The following MEGF10 variants were observed in gnomAD, a reference collection of about 807,000 sequenced individuals.
MEGF10 encodes the protein multiple epidermal growth factor-like domains protein 10.
In MEGF10, 86 loss-of-function variants were observed where a neutral mutation model predicts 147.5. That is an observed-to-expected ratio of 0.58 (90% confidence interval 0.49 to 0.70). The LOEUF (loss-of-function observed/expected upper bound fraction) is 0.70. Among genes scored for constraint, MEGF10 ranks in the 30% least tolerant of loss-of-function variants. The pLI, the probability that MEGF10 is intolerant of heterozygous loss-of-function variation, is 0.00. For missense variants in MEGF10, 1,329 were observed against 1,487.3 expected, an observed-to-expected ratio of 0.89 and a Z score of 1.75; for synonymous variants, 478 against 525.5, an observed-to-expected ratio of 0.91 and a Z score of 1.24.
At chr5:127,238,051 A>G in the MEGF10 span, among the ~76,000 whole-genome samples, 1 of 147,650 alleles carries the variant, frequency 6.8e-6, no homozygotes, top group African/African-American at 2.5e-5. Context: ...ATATATATAT[A>G]TATATATATA....
chr5:127,450,509 T>A (rs1211269580), intron 22 of MEGF10, among the ~76,000 whole-genome samples: 2 of 152,226 alleles, frequency 1.3e-5, no homozygotes, highest in East Asian at 3.8e-4. Flanking sequence ...AGTTTGATGA[T>A]GTAGTAACTT....
intron 1 of MEGF10, among the ~76,000 whole-genome samples, chr5:127,324,472 G>T (rs1384760144): frequency 1.3e-5 from 2 of 152,066 alleles, no homozygotes; most frequent in Admixed American, 6.6e-5. Flanking sequence ...AGCTCTCCTT[G>T]ATCTCTACCA....
the MEGF10 span, among the ~76,000 whole-genome samples, chr5:127,274,504 T>G: frequency 6.6e-6 from 1 of 152,126 alleles, no homozygotes; most frequent in South Asian, 2.1e-4. Flanking sequence ...AATGATATAA[T>G]AAAAATAGAT....
At chr5:127,353,832 G>A (rs1177326166) in intron 4 of MEGF10, among the ~76,000 whole-genome samples, 1 of 152,242 alleles carries the variant, frequency 6.6e-6, no homozygotes, top group African/African-American at 2.4e-5. Flanking sequence ...TGGCTTGTAA[G>A]AAGGACAGAG....
At chr5:127,244,657 T>A in the MEGF10 span, among the ~76,000 whole-genome samples, 1 of 152,144 alleles carries the variant, frequency 6.6e-6, no homozygotes, top group Non-Finnish European at 1.5e-5. Context: ...GACATTGGAC[T>A]TCTTATTTGC....
At chr5:127,432,535 G>A (rs11749174) in intron 13 of MEGF10, among the ~76,000 whole-genome samples, 4,202 of 152,306 alleles carry the variant, frequency 0.028, 52 homozygotes, top group East Asian at 0.045. Context: ...ATTTCTTTGA[G>A]TTGTGAGGAA....
the MEGF10 span, among the ~76,000 whole-genome samples, chr5:127,238,955 T>A: frequency 6.6e-6 from 1 of 151,882 alleles, no homozygotes; most frequent in African/African-American, 2.4e-5. Flanking sequence ...ATGGTACAAC[T>A]GACATCATGT....
At chr5:127,278,259 C>G in the MEGF10 span, among the ~76,000 whole-genome samples, 2 of 150,466 alleles carry the variant, frequency 1.3e-5, no homozygotes, top group Non-Finnish European at 3.0e-5. Context: ...GGAAGATATT[C>G]AATGAAGGGA....
the MEGF10 span, among the ~76,000 whole-genome samples, chr5:127,266,564 T>C: frequency 1.3e-5 from 2 of 152,230 alleles, no homozygotes; most frequent in Non-Finnish European, 2.9e-5. Flanking sequence ...CATGGAATGT[T>C]CTTCCATTTG....
intron 22 of MEGF10, among the ~76,000 whole-genome samples, chr5:127,452,196 G>A (rs1185475223): frequency 6.6e-6 from 1 of 152,186 alleles, no homozygotes; most frequent in East Asian, 1.9e-4. Context: ...TGGCCTCATA[G>A]CCCCAGCTCT....
Position 127,369,907 on chromosome 5 carries a change from C to A in MEGF10, c.320-3C>A. On this transcript the variant is annotated splice_region_variant and splice_polypyrimidine_tract_variant and intron_variant, in intron 4 of 24. Coordinates refer to ENST00000503335, the MANE Select transcript of MEGF10 (RefSeq NM_001256545.2). ...TTTATTTGATTGATTTTCTCTCTGA[C>A]AGCCCACTGTGCTGATAAATGTGTC... 6.3e-7 allele frequency: 1 copy of A among 1,594,922 alleles called. No homozygotes were observed. Among genetic ancestry groups the A allele is most frequent in the Non-Finnish European group, 8.5e-7 (1 of 1,169,732 alleles).
chr5:127,237,671 C>G, the MEGF10 span, among the ~76,000 whole-genome samples: 45 of 152,082 alleles, frequency 3.0e-4, no homozygotes, highest in Admixed American at 6.5e-4. Flanking sequence ...CAGGAAGAAG[C>G]CCAGACGGGA....
In MEGF10 at chr5:127,333,407, G is replaced by A. The variant is rs114506328; in HGVS notation, c.116+1983G>A. On this transcript the variant is annotated intron_variant, in intron 2 of 24. Coordinates refer to ENST00000503335, the MANE Select transcript of MEGF10 (RefSeq NM_001256545.2). The stretch of plus-strand genomic sequence containing the variant: ...GCATGCCTGTAATCCAGCTACTTGG[G>A]GGGCTGAGGCACAAGAATCACTTGA... Among the ~76,000 whole-genome samples the A allele has an allele frequency of 6.4e-3, 973 of 152,148 alleles. 12 individuals carry two copies. The highest frequency in any genetic ancestry group is 0.023 in the African/African-American group (936 of 41,506).
Position 127,431,470 on chromosome 5 carries a change from G to T in MEGF10, c.1694-1893G>T, listed in dbSNP as rs1264431066. On this transcript the variant is annotated intron_variant, in intron 13 of 24. Coordinates refer to ENST00000503335, the MANE Select transcript of MEGF10 (RefSeq NM_001256545.2). ...CATCATAAATGGCTAAATCTTACCT[G>T]TCCCCCAAGTCCCCACCCTAACAAA... 2.0e-5 allele frequency among the ~76,000 whole-genome samples: 3 copies of T among 152,156 alleles called. No homozygotes were observed. The East Asian group carries it at 5.8e-4, about 29-fold the overall frequency.
At chr5:127,346,486 G>C (rs1002372413) in intron 4 of MEGF10, among the ~76,000 whole-genome samples, 1 of 152,050 alleles carries the variant, frequency 6.6e-6, no homozygotes, top group Non-Finnish European at 1.5e-5. Context: ...TCATATGTTT[G>C]TTGGCCATTT....
chr5:127,257,772 A>G, the MEGF10 span, among the ~76,000 whole-genome samples: 1 of 152,310 alleles, frequency 6.6e-6, no homozygotes, highest in South Asian at 2.1e-4. Context: ...AAACTGACCT[A>G]GGCAGAAACT....
At chr5:127,256,538 T>A in the MEGF10 span, among the ~76,000 whole-genome samples, 1 of 152,192 alleles carries the variant, frequency 6.6e-6, no homozygotes, top group South Asian at 2.1e-4. Flanking sequence ...TCCTGCTCCA[T>A]GGTCATAAAT....
At chr5:127,297,861 A>G (rs1361350111) in intron 1 of MEGF10, among the ~76,000 whole-genome samples, 1 of 152,226 alleles carries the variant, frequency 6.6e-6, no homozygotes. Context: ...ATTCCATGAG[A>G]AGGTGTAAAA....
At chr5:127,354,275 C>T (rs144804964) in intron 4 of MEGF10, among the ~76,000 whole-genome samples, 6 of 152,308 alleles carry the variant, frequency 3.9e-5, no homozygotes, top group African/African-American at 1.4e-4. Flanking sequence ...AGTTCACTAA[C>T]CCAGGACTCT....
Sources: allele counts gnomAD v4.1 joint callset (sites outside exome capture counted in the v4.1 genomes callset), GRCh38; gene constraint gnomAD v4.1.1; transcripts MANE v1.5; gene names NCBI Gene and HGNC (gene_info 2026-07-23, HGNC 2026-07-21).